RBFOX3: variants seen among roughly 807,000 people sequenced by gnomAD.
RBFOX3 encodes RNA binding protein fox-1 homolog 3.
Under a neutral mutation model 48.7 loss-of-function variants are expected in RBFOX3, and 17 were observed. The ratio of observed to expected loss-of-function variants is 0.35; its 90% confidence interval spans 0.24 to 0.52. The LOEUF (loss-of-function observed/expected upper bound fraction) is 0.52. RBFOX3 is among the 20% of genes least tolerant of loss of function. The pLI is 0.94. For synonymous variants in RBFOX3, 212 were observed against 209.5 expected (o/e 1.01, Z -0.10); for missense variants, 382 against 497.5 (o/e 0.77, Z 2.21).
chr17:79,656,299 C>T, the RBFOX3 span, among the ~76,000 whole-genome samples: 4 of 152,116 alleles, frequency 2.6e-5, no homozygotes, highest in African/African-American at 9.7e-5. Context: ...CATTAATGGG[C>T]GAGGCTGTGT....
chr17:79,661,017 A>T, the RBFOX3 span, among the ~76,000 whole-genome samples: 1 of 152,226 alleles, frequency 6.6e-6, no homozygotes, highest in Non-Finnish European at 1.5e-5. Context: ...TCCTTAGTAA[A>T]CTAACACAGG....
Position 79,415,479 on chromosome 17 carries a change from A to G in RBFOX3, c.-175+66975T>C, listed in dbSNP as rs1430527819. Among the ~76,000 whole-genome samples, 10 of 152,162 alleles carry G rather than the reference A, an allele frequency of 6.6e-5. No homozygotes were observed. The East Asian group carries it at 1.7e-3, about 26-fold the overall frequency. ...CTAAGGAAACTTGGAAGCCCTGGACATCTCGGCTCTTGTATTTCAGCACGG... is the reference window on the plus strand; with the variant it reads ...CTAAGGAAACTTGGAAGCCCTGGACGTCTCGGCTCTTGTATTTCAGCACGG... On this transcript the variant is annotated intron_variant, in intron 2 of 14. Coordinates refer to ENST00000693108, the MANE Select transcript of RBFOX3 (RefSeq NM_001350451.2).
In RBFOX3 at chr17:79,537,126, A is replaced by C. The variant is rs1219841481; in HGVS notation, c.-319-54528T>G. ...ACAAACAAACAAAAAACAAAAAAAA[A>C]AAAAACCAAAAAAGCAACACACATT... On this transcript the variant is annotated intron_variant, in intron 1 of 14. Coordinates refer to ENST00000693108, the MANE Select transcript of RBFOX3 (RefSeq NM_001350451.2). Among the ~76,000 whole-genome samples the C allele has an allele frequency of 3.7e-3, 560 of 152,104 alleles. 6 individuals carry two copies. The highest frequency in any genetic ancestry group is 0.019 in the East Asian group (96 of 5,182).
At chr17:79,125,527 G>A (rs765735995) in intron 4 of RBFOX3, among the ~76,000 whole-genome samples, 1 of 152,230 alleles carries the variant, frequency 6.6e-6, no homozygotes, top group African/African-American at 2.4e-5. Flanking sequence ...CCCAGCCTGC[G>A]TGTGGGACAA....
intron 1 of RBFOX3, among the ~76,000 whole-genome samples, chr17:79,498,323 G>A (rs1178936551): frequency 6.6e-6 from 1 of 152,218 alleles, no homozygotes; most frequent in South Asian, 2.1e-4. Context: ...TTCATGAAGG[G>A]GGAAGACCTC....
At chr17:79,324,818 C>T (rs995674043) in intron 2 of RBFOX3, among the ~76,000 whole-genome samples, 7 of 152,212 alleles carry the variant, frequency 4.6e-5, no homozygotes, top group African/African-American at 1.7e-4. Context: ...TGAAGCTCAG[C>T]CCTTGCTTCC....
chr17:79,352,204 G>A (rs183902238), intron 2 of RBFOX3, among the ~76,000 whole-genome samples: 1 of 152,310 alleles, frequency 6.6e-6, no homozygotes, highest in Admixed American at 6.5e-5. Context: ...CCTGGTGGAA[G>A]GTGATTGGAT....
At position 79,477,005 on chromosome 17, in the gene RBFOX3, G is replaced by A. The variant is rs1654891703; in HGVS notation, c.-175+5449C>T. Among the ~76,000 whole-genome samples the A allele has an allele frequency of 6.6e-6, 1 of 152,206 alleles. No individual in the cohort carries two copies. The highest frequency in any genetic ancestry group is 1.5e-5 in the Non-Finnish European group (1 of 67,996). ...CCCAGCACTTTGGGAGGCCTAGGTG[G>A]GTGGATCACTTGAGGTCAGGAGTTC... On this transcript the variant is annotated intron_variant, in intron 2 of 14. Coordinates refer to ENST00000693108, the MANE Select transcript of RBFOX3 (RefSeq NM_001350451.2). This position sits in a 1 kb window ranked among gnomAD's most constrained non-coding sequence, Gnocchi z 4.8.
intron 2 of RBFOX3, among the ~76,000 whole-genome samples, chr17:79,327,921 C>T (rs867487062): frequency 1.3e-5 from 2 of 152,200 alleles, no homozygotes; most frequent in South Asian, 2.1e-4. Flanking sequence ...GTCTCAATCT[C>T]CTGACCTCAC....
At chr17:79,123,331 T>C (rs2036268484) in intron 4 of RBFOX3, among the ~76,000 whole-genome samples, 1 of 152,168 alleles carries the variant, frequency 6.6e-6, no homozygotes, top group African/African-American at 2.4e-5. Context: ...CACATAAATA[T>C]ATACACCTAC....
At chr17:79,096,622 C>T in intron 12 of RBFOX3, 31 bp downstream of exon 12, 1 of 1,469,444 alleles carries the variant, frequency 6.8e-7, no homozygotes, top group Non-Finnish European at 9.3e-7. Context: ...ACGCCTGATC[C>T]CACCCTCCCT....
intron 4 of RBFOX3, among the ~76,000 whole-genome samples, chr17:79,222,118 T>TTGATTTCTACCTGCAGCC (rs781733043): frequency 0.2 from 29,013 of 146,196 alleles, 4,258 homozygotes; most frequent in African/African-American, 0.41. Flanking sequence ...CTACTGCTGC[T>TTGATTTCTACCTGCAGCC]TGATTTCTAC....
At chr17:79,664,484 C>T in the RBFOX3 span, among the ~76,000 whole-genome samples, 2 of 151,988 alleles carry the variant, frequency 1.3e-5, no homozygotes, top group African/African-American at 2.4e-5. Flanking sequence ...GTAGCTGGGA[C>T]TACAGGCGCC....
chr17:79,127,495 TTTC>T (rs2037608491), intron 4 of RBFOX3, among the ~76,000 whole-genome samples: 2 of 152,246 alleles, frequency 1.3e-5, no homozygotes, highest in South Asian at 4.1e-4. Flanking sequence ...ATGCTCCTAT[TTTC>T]TTTTCTTTTT....
At chr17:79,119,216 T>C (rs764629151) in intron 4 of RBFOX3, among the ~76,000 whole-genome samples, 1 of 152,138 alleles carries the variant, frequency 6.6e-6, no homozygotes, top group Non-Finnish European at 1.5e-5. Flanking sequence ...GCTCCGGCAG[T>C]AGGTGCCAGA....
At chr17:79,144,838 G>A (rs910881901) in intron 4 of RBFOX3, among the ~76,000 whole-genome samples, 22 of 152,004 alleles carry the variant, frequency 1.4e-4, no homozygotes, top group African/African-American at 4.6e-4. Context: ...CTGAGGGCCC[G>A]AGGCAAACGC....
intron 4 of RBFOX3, among the ~76,000 whole-genome samples, chr17:79,123,914 T>A (rs147267039): frequency 6.6e-6 from 1 of 152,326 alleles, no homozygotes; most frequent in Non-Finnish European, 1.5e-5. Context: ...TTCCTCCATG[T>A]GGTCGGTACC....
At chr17:79,600,588 C>T (rs1352406862) in intron 1 of RBFOX3, 1 of 152,128 alleles carries the variant, frequency 6.6e-6, no homozygotes, top group East Asian at 1.9e-4. Context: ...GTGAGGAGAC[C>T]CCCGGGGTCT....
intron 2 of RBFOX3, among the ~76,000 whole-genome samples, chr17:79,379,364 T>C (rs1215742480): frequency 6.6e-6 from 1 of 152,166 alleles, no homozygotes; most frequent in Non-Finnish European, 1.5e-5. Flanking sequence ...AAAATCCTCC[T>C]ATGAATGGAA....
Sources: allele counts gnomAD v4.1 joint callset (sites outside exome capture counted in the v4.1 genomes callset), GRCh38; gene constraint gnomAD v4.1.1; non-coding constraint Gnocchi (gnomAD v3.1); transcripts MANE v1.5; gene names NCBI Gene and HGNC (gene_info 2026-07-23, HGNC 2026-07-21).